Variants in SDCCAG8 observed in about 807,000 individuals in gnomAD.
SDCCAG8 encodes serologically defined colon cancer antigen 8.
A neutral mutation model predicts 101.8 loss-of-function variants in SDCCAG8; 74 were observed. The observed-to-expected ratio is 0.73, with a 90% confidence interval of 0.60 to 0.88. SDCCAG8 has a LOEUF of 0.88. Among genes scored for constraint, SDCCAG8 ranks in the 40% least tolerant of loss-of-function variants. The pLI, the probability that SDCCAG8 is intolerant of heterozygous loss-of-function variation, is 0.00. For synonymous variants in SDCCAG8, 281 were observed against 292.9 expected (o/e 0.96, Z 0.41); for missense variants, 787 against 822.6 (o/e 0.96, Z 0.53).
At chr1:243,405,750 G>C (rs2079734757) in intron 13 of SDCCAG8, among the ~76,000 whole-genome samples, 1 of 151,514 alleles carries the variant, frequency 6.6e-6, no homozygotes, top group Non-Finnish European at 1.5e-5. Context: ...CAACATTCTA[G>C]ATAAATAATG....
intron 4 of SDCCAG8, among the ~76,000 whole-genome samples, chr1:243,275,859 T>G (rs1237996728): frequency 1.7e-5 from 2 of 121,036 alleles, no homozygotes; most frequent in Non-Finnish European, 3.3e-5. Context: ...AACCAATGTT[T>G]TTTTTTTTTT....
At chr1:243,366,951 T>G (rs1360993221) in intron 12 of SDCCAG8, among the ~76,000 whole-genome samples, 1 of 152,060 alleles carries the variant, frequency 6.6e-6, no homozygotes, top group Admixed American at 6.6e-5. Flanking sequence ...TCAAAAATAT[T>G]TATTGTATTG....
At chr1:243,357,843 G>A (rs891296799) in intron 12 of SDCCAG8, among the ~76,000 whole-genome samples, 1 of 152,146 alleles carries the variant, frequency 6.6e-6, no homozygotes, top group African/African-American at 2.4e-5. Flanking sequence ...TCAATAGGGA[G>A]CAAACAGACT....
At chr1:243,286,197 G>A in intron 4 of SDCCAG8, 75 bp from the exon 5 acceptor site, 1 of 1,398,220 alleles carries the variant, frequency 7.2e-7, no homozygotes, top group Non-Finnish European at 1.0e-6. Context: ...TTTATATCAT[G>A]CTGTGCCCTC....
chr1:243,347,855 G>A (rs908397459), intron 12 of SDCCAG8, among the ~76,000 whole-genome samples: 2 of 151,984 alleles, frequency 1.3e-5, no homozygotes, highest in African/African-American at 2.4e-5. Flanking sequence ...CTTTATAGCC[G>A]CTAACCTTTG....
chr1:243,285,957 C>T (rs2069570826), intron 4 of SDCCAG8, among the ~76,000 whole-genome samples: 1 of 152,122 alleles, frequency 6.6e-6, no homozygotes, highest in African/African-American at 2.4e-5. Context: ...GAATCTACTC[C>T]ATTCTTTAAA....
chr1:243,483,839 C>A (rs1664258466), intron 16 of SDCCAG8, among the ~76,000 whole-genome samples: 1 of 152,236 alleles, frequency 6.6e-6, no homozygotes, highest in South Asian at 2.1e-4. Context: ...TAACCCCTAT[C>A]CTGGGGCGAG....
chr1:243,496,645 G>A (rs986517848), intron 17 of SDCCAG8, among the ~76,000 whole-genome samples: 2 of 152,200 alleles, frequency 1.3e-5, no homozygotes, highest in African/African-American at 2.4e-5. Context: ...GAGCAGGGGC[G>A]AGGGGTGCCA....
rs1558441551 is a variant in SDCCAG8, at chr1:243,419,475, T to G, written c.1853+1399T>G. 2.0e-5 allele frequency among the ~76,000 whole-genome samples: 3 copies of G among 152,214 alleles called. No homozygotes were observed. The South Asian group carries it at 6.2e-4, about 31-fold the overall frequency. Reference sequence around the variant, plus strand: ...CAATCTGGGTTTTATATAAATGTATTAGGTCTAAAATTGGTTTGTGAATGA... The same window carrying G: ...CAATCTGGGTTTTATATAAATGTATGAGGTCTAAAATTGGTTTGTGAATGA... On this transcript the variant is annotated intron_variant, in intron 15 of 17. Transcript: ENST00000366541.
At chr1:243,450,900 C>T (rs975796254) in intron 16 of SDCCAG8, among the ~76,000 whole-genome samples, 2 of 152,174 alleles carry the variant, frequency 1.3e-5, no homozygotes, top group African/African-American at 4.8e-5. Context: ...CTCAGGTGAT[C>T]CTTCCGCCTC....
intron 13 of SDCCAG8, 26 bp downstream of exon 13, chr1:243,378,889 A>C: frequency 6.2e-7 from 1 of 1,613,900 alleles, no homozygotes; most frequent in Non-Finnish European, 8.5e-7. Context: ...ATTATGCGCC[A>C]TAGCACCGAT....
intron 12 of SDCCAG8, among the ~76,000 whole-genome samples, chr1:243,358,741 GGT>G: frequency 6.6e-6 from 1 of 152,078 alleles, no homozygotes; most frequent in Non-Finnish European, 1.5e-5. Context: ...TAAAATGTGG[GGT>G]GTGTGTATAT....
intron 9 of SDCCAG8, among the ~76,000 whole-genome samples, chr1:243,329,382 A>G (rs1269824222): frequency 6.6e-6 from 1 of 152,220 alleles, no homozygotes; most frequent in Non-Finnish European, 1.5e-5. Flanking sequence ...GAAAATTCAC[A>G]TATCCTAGAT....
rs1055252679 is a variant in SDCCAG8 at position 243,297,693 on chromosome 1, T to A, written c.675+4474T>A. On this transcript the variant is annotated intron_variant, in intron 6 of 17. Coordinates refer to ENST00000366541, the MANE Select transcript of SDCCAG8 (RefSeq NM_006642.5). ...GCATTTCCCTAACTACTAGTGTGAT[T>A]GAGTATTGTTTCATACATTTATTGT... Among the ~76,000 whole-genome samples the A allele has an allele frequency of 3.3e-5, 5 of 152,346 alleles. No individual in the cohort carries two copies. In the East Asian group the frequency reaches 5.8e-4, roughly 18 times the overall value.
chr1:243,404,862 CT>C (rs529062563), intron 13 of SDCCAG8, among the ~76,000 whole-genome samples: 630 of 137,522 alleles, frequency 4.6e-3, no homozygotes, highest in Middle Eastern at 7.4e-3. Flanking sequence ...TAGACTTCTT[CT>C]TTTTTTTTTT....
chr1:243,450,063 G>A (rs1348027164), intron 16 of SDCCAG8, among the ~76,000 whole-genome samples: 1 of 152,160 alleles, frequency 6.6e-6, no homozygotes, highest in Non-Finnish European at 1.5e-5. Flanking sequence ...CTGATTCTAG[G>A]CAGTTAGTCA....
chr1:243,462,213 A>C (rs1263530893), intron 16 of SDCCAG8, among the ~76,000 whole-genome samples: 1 of 152,216 alleles, frequency 6.6e-6, no homozygotes, highest in African/African-American at 2.4e-5. Context: ...CCAGAACTCA[A>C]GTCACCTGGC....
At chr1:243,274,893 A>C (rs182489257) in intron 4 of SDCCAG8, among the ~76,000 whole-genome samples, 9 of 152,280 alleles carry the variant, frequency 5.9e-5, no homozygotes, top group Non-Finnish European at 1.0e-4. Flanking sequence ...ATGTCTAATG[A>C]TTTCATAATA....
At chr1:243,300,741 C>CT (rs2149308818) in intron 6 of SDCCAG8, among the ~76,000 whole-genome samples, 1 of 152,316 alleles carries the variant, frequency 6.6e-6, no homozygotes, top group East Asian at 1.9e-4. Flanking sequence ...GCCTTCTTTA[C>CT]TTATCTTTGG....
Sources: allele counts gnomAD v4.1 joint callset (sites outside exome capture counted in the v4.1 genomes callset), GRCh38; gene constraint gnomAD v4.1.1; transcripts MANE v1.5; gene names NCBI Gene and HGNC (gene_info 2026-07-23, HGNC 2026-07-21).